Variants in GNAI1 observed in about 807,000 individuals in gnomAD.
The protein encoded by GNAI1 is guanine nucleotide-binding protein G(i) subunit alpha-1.
A neutral mutation model predicts 38.9 loss-of-function variants in GNAI1; 11 were observed. That is an observed-to-expected ratio of 0.28 (90% CI 0.18 to 0.47). The LOEUF (loss-of-function observed/expected upper bound fraction) is 0.47. Among genes scored for constraint, GNAI1 ranks in the 20% least tolerant of loss-of-function variants. The pLI is 0.99. For synonymous variants in GNAI1, 166 were observed against 145.1 expected (o/e 1.14, Z -1.04); for missense variants, 317 against 436.9 (o/e 0.73, Z 2.45).
chr7:80,217,246 T>TGAAAC, intron 7 of GNAI1, 57 bp from the exon 8 acceptor site: 1 of 1,152,024 alleles, frequency 8.7e-7, no homozygotes, highest in Non-Finnish European at 1.2e-6. Flanking sequence ...GAATTCAGTA[T>TGAAAC]TTTAAGCAGT....
At chr7:80,143,474 T>C (rs554557819) in intron 1 of GNAI1, among the ~76,000 whole-genome samples, 1 of 152,264 alleles carries the variant, frequency 6.6e-6, no homozygotes, top group African/African-American at 2.4e-5. Context: ...TGGAAACTTA[T>C]AATGTAGAAG....
rs1789134069 is a variant in GNAI1 at position 80,224,915 on chromosome 7, C to T, written c.*7422C>T. ...TTAATGTGGTTTTGGAAAATAGGTA[C>T]TCATGTGTCTTTGCATTATATTTGT... On this transcript the variant is annotated 3_prime_UTR_variant, in exon 8 of 8. Transcript: ENST00000649796. 6.6e-6 allele frequency among the ~76,000 whole-genome samples: 1 copy of T among 152,022 alleles called. No individual in the cohort carries two copies. Among genetic ancestry groups the T allele is most frequent in the Admixed American group, 6.6e-5 (1 of 15,250 alleles).
At chr7:80,137,293 C>CTTTTCTTTTCTT (rs1787432808) in intron 1 of GNAI1, among the ~76,000 whole-genome samples, 8 of 95,262 alleles carry the variant, frequency 8.4e-5, no homozygotes, top group Admixed American at 2.8e-4. Flanking sequence ...TTTCTTTTTT[C>CTTTTCTTTTCTT]TTTTTTTTTT....
intron 1 of GNAI1, among the ~76,000 whole-genome samples, chr7:80,160,522 T>C (rs1203057746): frequency 6.6e-6 from 1 of 152,156 alleles, no homozygotes; most frequent in Non-Finnish European, 1.5e-5. Context: ...AGTTTGGGAA[T>C]TGACCAAGCA....
At chr7:80,187,353 G>A (rs537338481) in intron 1 of GNAI1, 1 of 152,204 alleles carries the variant, frequency 6.6e-6, no homozygotes, top group East Asian at 1.9e-4. Context: ...TTTCTGGTTG[G>A]TTGATTTTGT....
chr7:80,164,178 G>T (rs899956891), intron 1 of GNAI1, among the ~76,000 whole-genome samples: 2 of 150,354 alleles, frequency 1.3e-5, no homozygotes, highest in African/African-American at 4.9e-5. Flanking sequence ...CCAAGTAGCT[G>T]GGACTACAGG....
chr7:80,142,528 T>G (rs1161962532), intron 1 of GNAI1, among the ~76,000 whole-genome samples: 1 of 152,246 alleles, frequency 6.6e-6, no homozygotes, highest in East Asian at 1.9e-4. Context: ...TCTGTTGCCT[T>G]TCTCTATGGC....
chr7:80,217,266 T>C, intron 7 of GNAI1, 37 bp from the exon 8 acceptor site: 1 of 1,363,930 alleles, frequency 7.3e-7, no homozygotes, highest in Non-Finnish European at 1.0e-6. Context: ...TTATTTTAAC[T>C]TTTTGCATTT....
chr7:80,217,197 A>ACTGTATGAAACTGACTTCAGTTTCAT (rs563343166), intron 7 of GNAI1, 106 bp from the exon 8 acceptor site: 3,553 of 150,480 alleles, frequency 0.024, 114 homozygotes, highest in African/African-American at 0.11. Flanking sequence ...CATGAATGAA[A>ACTGTATGAAACTGACTTCAGTTTCAT]CTGTATGAAA....
intron 1 of GNAI1, among the ~76,000 whole-genome samples, chr7:80,154,785 A>G (rs897856160): frequency 6.6e-6 from 1 of 152,332 alleles, no homozygotes; most frequent in South Asian, 2.1e-4. Flanking sequence ...TTACATTTGC[A>G]AGAAGTTGGT....
At chr7:80,160,673 T>C (rs1787909071) in intron 1 of GNAI1, among the ~76,000 whole-genome samples, 1 of 152,228 alleles carries the variant, frequency 6.6e-6, no homozygotes, top group African/African-American at 2.4e-5. Flanking sequence ...TTGTCAGTTG[T>C]AACTTTTTAG....
chr7:80,148,442 G>A (rs1025545062), intron 1 of GNAI1, among the ~76,000 whole-genome samples: 2 of 151,950 alleles, frequency 1.3e-5, no homozygotes, highest in East Asian at 3.9e-4. Flanking sequence ...CTTAGGCTTT[G>A]TAATTCATAG....
intron 1 of GNAI1, among the ~76,000 whole-genome samples, chr7:80,153,558 C>A (rs1787764446): frequency 6.6e-6 from 1 of 152,106 alleles, no homozygotes; most frequent in Admixed American, 6.5e-5. Flanking sequence ...CTTATTCTAT[C>A]TGAAATGCTT....
chr7:80,183,824 G>T (rs1584033898), intron 1 of GNAI1, among the ~76,000 whole-genome samples: 1 of 152,056 alleles, frequency 6.6e-6, no homozygotes, highest in South Asian at 2.1e-4. Flanking sequence ...CTAGCAAAGG[G>T]TTACCTTATA....
In GNAI1 at chr7:80,222,591, C is replaced by T. The variant is rs548901462; in HGVS notation, c.*5098C>T. ...TAGTAGAGACGGGGTTTCTCCATGT[C>T]GGTCGGGCTGGTCTCGAACTCCTGA... On this transcript the variant is annotated 3_prime_UTR_variant, in exon 8 of 8. Coordinates refer to ENST00000649796, the MANE Select transcript of GNAI1 (RefSeq NM_002069.6). Among the ~76,000 whole-genome samples, 3 of 151,824 alleles carry T rather than the reference C, an allele frequency of 2.0e-5. No individual in the cohort carries two copies. The highest frequency in any genetic ancestry group is 6.6e-5 in the Admixed American group (1 of 15,262).
chr7:80,135,347 GT>G, intron 1 of GNAI1, 69 bp downstream of exon 1: 1 of 947,584 alleles, frequency 1.1e-6, no homozygotes, highest in Non-Finnish European at 1.4e-6. Flanking sequence ...GGCCCTCGGC[GT>G]TTGGAAACCC....
chr7:80,215,413 G>A (rs897539869), intron 7 of GNAI1, among the ~76,000 whole-genome samples: 1 of 152,146 alleles, frequency 6.6e-6, no homozygotes, highest in East Asian at 1.9e-4. Context: ...TTTGGAGAAC[G>A]AAACTTATGA....
chr7:80,193,811 A>G (rs982333560), intron 3 of GNAI1, among the ~76,000 whole-genome samples: 1 of 152,222 alleles, frequency 6.6e-6, no homozygotes, highest in African/African-American at 2.4e-5. Flanking sequence ...TTTTTCTACT[A>G]TTATTCTGGA....
intron 1 of GNAI1, among the ~76,000 whole-genome samples, chr7:80,173,590 G>T (rs1206447402): frequency 6.6e-6 from 1 of 152,098 alleles, no homozygotes; most frequent in East Asian, 1.9e-4. Context: ...AATTGGTGTG[G>T]GGGACAGCAG....
Sources: allele counts gnomAD v4.1 joint callset (sites outside exome capture counted in the v4.1 genomes callset), GRCh38; gene constraint gnomAD v4.1.1; transcripts MANE v1.5; gene names NCBI Gene and HGNC (gene_info 2026-07-23, HGNC 2026-07-21).